Variants in ZMYM2 observed in about 807,000 individuals in gnomAD.
ZMYM2 encodes the protein zinc finger MYM-type containing 2, also known as zinc finger MYM-type protein 2.
In ZMYM2, 56 loss-of-function variants were observed where a neutral mutation model predicts 162.8. The observed-to-expected ratio is 0.34, with a 90% CI of 0.28 to 0.43. The LOEUF is 0.43. Among genes scored for constraint, ZMYM2 ranks in the 20% least tolerant of loss-of-function variants. The pLI is 1.00. For synonymous variants in ZMYM2, 510 were observed against 541.6 expected (o/e 0.94, Z 0.81); for missense variants, 1,275 against 1,621.8 (o/e 0.79, Z 3.67).
chr13:19,957,937 G>A (rs1210549961), upstream of ZMYM2, among the ~76,000 whole-genome samples: 11 of 152,348 alleles, frequency 7.2e-5, no homozygotes, highest in Non-Finnish European at 1.6e-4. Flanking sequence ...TTGTTCCCTT[G>A]GCCGAATGGC....
At chr13:20,061,486 C>A (rs1355084030) in intron 17 of ZMYM2, among the ~76,000 whole-genome samples, 2 of 152,130 alleles carry the variant, frequency 1.3e-5, no homozygotes, top group Non-Finnish European at 2.9e-5. Context: ...CAAAATTATT[C>A]TTGTTAATGG....
the ZMYM2 span, among the ~76,000 whole-genome samples, chr13:19,880,600 T>C: frequency 6.6e-6 from 1 of 151,870 alleles, no homozygotes; most frequent in African/African-American, 2.4e-5. Flanking sequence ...GGCTAATTTT[T>C]TGTATTTTAA....
At chr13:19,926,822 T>C in the ZMYM2 span, among the ~76,000 whole-genome samples, 1 of 152,022 alleles carries the variant, frequency 6.6e-6, no homozygotes, top group Admixed American at 6.6e-5. Context: ...CACACATCAC[T>C]ACGCCTGGCT....
At chr13:19,996,760 C>T (rs1412047080) in intron 3 of ZMYM2, among the ~76,000 whole-genome samples, 3 of 152,144 alleles carry the variant, frequency 2.0e-5, no homozygotes, top group Non-Finnish European at 4.4e-5. Context: ...GTGGTGCACA[C>T]CTGTAGCCTC....
intron 7 of ZMYM2, among the ~76,000 whole-genome samples, chr13:20,021,937 G>C (rs1952145564): frequency 6.6e-6 from 1 of 152,082 alleles, no homozygotes; most frequent in African/African-American, 2.4e-5. Flanking sequence ...CCAAATTCTA[G>C]CTGCCTTGAA....
intron 6 of ZMYM2, among the ~76,000 whole-genome samples, chr13:20,015,345 A>C (rs1353245905): frequency 6.6e-6 from 1 of 152,140 alleles, no homozygotes; most frequent in African/African-American, 2.4e-5. Context: ...AGTCTTCAAA[A>C]ATTTATTGAG....
chr13:19,974,711 C>T (rs1027036099), intron 2 of ZMYM2, among the ~76,000 whole-genome samples: 33 of 152,214 alleles, frequency 2.2e-4, no homozygotes, highest in Admixed American at 5.9e-4. Context: ...ACCTCGTGAT[C>T]CACCCACCTC....
chr13:20,018,515 A>G (rs558916298), intron 6 of ZMYM2, among the ~76,000 whole-genome samples: 7 of 152,096 alleles, frequency 4.6e-5, no homozygotes, highest in South Asian at 2.1e-4. Flanking sequence ...TTTGTCTGTT[A>G]TATTTAACTT....
the ZMYM2 span, among the ~76,000 whole-genome samples, chr13:19,922,572 T>C: frequency 6.6e-6 from 1 of 152,110 alleles, no homozygotes; most frequent in Non-Finnish European, 1.5e-5. Flanking sequence ...TGGCCGGATG[T>C]CGTGGCTCAC....
chr13:19,993,114 G>C lies in ZMYM2; in HGVS notation c.42G>C (p.Gln14His). Reference sequence around the variant, plus strand: ...TGGGAGGATTAGAATTGACTGATCAGACTCCTGTTTTATTAGGGAGTACGG... The same window carrying C: ...TGGGAGGATTAGAATTGACTGATCACACTCCTGTTTTATTAGGGAGTACGG... The part of the protein sequence containing the change: ...SSVGGLELTD[Q>H]TPVLLGSTAM... Residue 14 changes from glutamine (Q) to histidine (H), a missense_variant, in exon 3 of 25, where the codon CAG (glutamine) becomes CAC (histidine). By Grantham distance (24) the Gln-to-His change is conservative. This residue lies in a region of ZMYM2 where 295 missense variants were observed against 286.7 expected (regional missense o/e 1.03). Transcript: ENST00000610343. 1 of 1,613,874 alleles carries C rather than the reference G, an allele frequency of 6.2e-7. No individual in the cohort carries two copies. The highest frequency in any genetic ancestry group is 8.5e-7 in the Non-Finnish European group (1 of 1,179,924).
chr13:20,061,743 C>T (rs1405104819), intron 17 of ZMYM2, among the ~76,000 whole-genome samples: 3 of 152,060 alleles, frequency 2.0e-5, no homozygotes, highest in African/African-American at 7.2e-5. Flanking sequence ...CACGTGCCAC[C>T]ACGCCCAGCC....
chr13:20,086,071 G>A lies in ZMYM2; in HGVS notation c.*57G>A. The A allele has an allele frequency of 6.5e-7, 1 of 1,530,610 alleles. No homozygotes were observed. Among genetic ancestry groups the A allele is most frequent in the Non-Finnish European group, 8.9e-7 (1 of 1,125,300 alleles). The allele number at this position is 1,530,610 out of a possible 1,614,324, so 94.8% of individuals were successfully genotyped here. A position where few individuals can be genotyped will look rare whatever the true frequency, so the allele number is the denominator to read the frequency against. On this transcript the variant is annotated 3_prime_UTR_variant, in exon 25 of 25. Coordinates refer to ENST00000610343, the MANE Select transcript of ZMYM2 (RefSeq NM_197968.4). ...ACAGCATTAGATAGTCATGCTGCTA[G>A]ATCTTTATTATGGAAAACATTTCAA...
upstream of ZMYM2, among the ~76,000 whole-genome samples, chr13:19,958,068 A>G (rs1247529946): frequency 2.0e-5 from 3 of 152,296 alleles, no homozygotes; most frequent in East Asian, 5.8e-4. Flanking sequence ...CTCCTGCTGC[A>G]GCCATGGCGG....
the ZMYM2 span, among the ~76,000 whole-genome samples, chr13:19,884,645 G>A: frequency 1.3e-5 from 2 of 151,946 alleles, no homozygotes; most frequent in African/African-American, 4.8e-5. Flanking sequence ...ACTTAGTTTG[G>A]TCCTTCCGGT....
the ZMYM2 span, among the ~76,000 whole-genome samples, chr13:19,906,518 T>A: frequency 7.5e-6 from 1 of 132,588 alleles, no homozygotes; most frequent in African/African-American, 2.8e-5. Flanking sequence ...TTTCTATATA[T>A]CACACATATA....
chr13:19,958,318 G>A (rs919810947), upstream of ZMYM2, among the ~76,000 whole-genome samples: 1 of 152,142 alleles, frequency 6.6e-6, no homozygotes, highest in Admixed American at 6.5e-5. Context: ...CGGCCTGGGC[G>A]CCCGGGCTCG....
At chr13:19,899,266 G>GAAATAAAT in the ZMYM2 span, among the ~76,000 whole-genome samples, 1 of 151,542 alleles carries the variant, frequency 6.6e-6, no homozygotes, top group African/African-American at 2.4e-5. Flanking sequence ...CCCCACTTCT[G>GAAATAAAT]AAATAAATAA....
chr13:20,043,672 G>T (rs1436719840), intron 12 of ZMYM2, among the ~76,000 whole-genome samples: 1 of 152,108 alleles, frequency 6.6e-6, no homozygotes, highest in South Asian at 2.1e-4. Flanking sequence ...TGACTGCTAA[G>T]GCTCCAACTG....
At chr13:20,062,799 TG>T (rs1246066420) in intron 17 of ZMYM2, 46 bp from the exon 18 acceptor site, 3 of 1,491,552 alleles carry the variant, frequency 2.0e-6, no homozygotes, top group Non-Finnish European at 2.7e-6. Flanking sequence ...CAGATACCAT[TG>T]GGGTTTTCTG....
Sources: allele counts gnomAD v4.1 joint callset (sites outside exome capture counted in the v4.1 genomes callset), GRCh38; gene constraint gnomAD v4.1.1; regional missense constraint gnomAD v4.1.1; transcripts MANE v1.5; gene names NCBI Gene and HGNC (gene_info 2026-07-23, HGNC 2026-07-21).